Variants in CWC27 observed in about 807,000 individuals in gnomAD.
The protein encoded by CWC27 is spliceosome-associated protein CWC27 homolog.
A neutral mutation model predicts 63.6 loss-of-function variants in CWC27; 47 were observed. The ratio of observed to expected loss-of-function variants is 0.74; its 90% CI spans 0.58 to 0.94. The LOEUF (loss-of-function observed/expected upper bound fraction) is 0.94. CWC27 is among the 40% of genes least tolerant of loss of function. The pLI, the probability that CWC27 is intolerant of heterozygous loss-of-function variation, is 0.00. For missense variants in CWC27, 495 were observed against 554.3 expected, an observed-to-expected ratio of 0.89 and a Z score of 1.07; for synonymous variants, 175 against 179.8, an observed-to-expected ratio of 0.97 and a Z score of 0.22.
intron 11 of CWC27, among the ~76,000 whole-genome samples, chr5:64,924,632 C>T (rs1748071130): frequency 6.6e-6 from 1 of 152,164 alleles, no homozygotes; most frequent in African/African-American, 2.4e-5. Context: ...TTTGCTACCA[C>T]CAACTAGTTC....
At chr5:64,871,889 G>C (rs1166563534) in intron 10 of CWC27, among the ~76,000 whole-genome samples, 1 of 152,070 alleles carries the variant, frequency 6.6e-6, no homozygotes, top group African/African-American at 2.4e-5. Flanking sequence ...TTGCTCTTCT[G>C]TCTTGAAAAA....
chr5:64,814,669 T>A (rs1226529272), intron 10 of CWC27, among the ~76,000 whole-genome samples: 1 of 152,134 alleles, frequency 6.6e-6, no homozygotes, highest in Non-Finnish European at 1.5e-5. Context: ...CTACAGAGCC[T>A]AGAGAGGGGT....
At chr5:65,014,280 TCA>T (rs1171694372) in intron 13 of CWC27, among the ~76,000 whole-genome samples, 1 of 147,178 alleles carries the variant, frequency 6.8e-6, no homozygotes, top group Non-Finnish European at 1.5e-5. Flanking sequence ...ACCATAGAGA[TCA>T]GTTATATATA....
At chr5:64,929,958 A>T (rs1298552690) in intron 11 of CWC27, among the ~76,000 whole-genome samples, 1 of 151,802 alleles carries the variant, frequency 6.6e-6, no homozygotes, top group East Asian at 1.9e-4. Context: ...TAAACAAAAA[A>T]GGGAAACAAC....
intron 10 of CWC27, among the ~76,000 whole-genome samples, chr5:64,825,955 A>G (rs1488842478): frequency 6.6e-6 from 1 of 152,252 alleles, no homozygotes; most frequent in African/African-American, 2.4e-5. Flanking sequence ...TCGTCTGTGA[A>G]TAGTAGCTTC....
intron 11 of CWC27, among the ~76,000 whole-genome samples, 193 bp downstream of exon 11, chr5:64,885,739 T>TGTGTGTGTGTGTGTGTGTGTGTG (rs1427858737): frequency 4.1e-5 from 1 of 24,280 alleles, no homozygotes; most frequent in African/African-American, 9.6e-5. Context: ...GTGTGTGTGT[T>TGTGTGTGTGTGTGTGTGTGTGTG]TTTAATACTT....
chr5:64,950,281 T>G (rs1197600207), intron 11 of CWC27, among the ~76,000 whole-genome samples: 1 of 151,942 alleles, frequency 6.6e-6, no homozygotes, highest in African/African-American at 2.4e-5. Context: ...TAGTAATATA[T>G]GGTATCTGTC....
At chr5:64,975,835 C>T (rs1304616393) in intron 12 of CWC27, among the ~76,000 whole-genome samples, 1 of 152,122 alleles carries the variant, frequency 6.6e-6, no homozygotes, top group Non-Finnish European at 1.5e-5. Flanking sequence ...GAGGCCAAGG[C>T]GTGTGGAACA....
At chr5:64,957,610 G>A (rs1748827744) in intron 11 of CWC27, among the ~76,000 whole-genome samples, 1 of 152,132 alleles carries the variant, frequency 6.6e-6, no homozygotes. Context: ...TTTATATATT[G>A]CAGTTGTGTC....
At chr5:64,919,438 A>G (rs1271930714) in intron 11 of CWC27, among the ~76,000 whole-genome samples, 2 of 152,166 alleles carry the variant, frequency 1.3e-5, no homozygotes, top group East Asian at 1.9e-4. Flanking sequence ...GGCTTGGTGT[A>G]CACATGATCC....
chr5:64,933,799 A>G (rs1346013416), intron 11 of CWC27, among the ~76,000 whole-genome samples: 2 of 152,140 alleles, frequency 1.3e-5, no homozygotes, highest in Non-Finnish European at 2.9e-5. Context: ...CCACATGCAT[A>G]CATTTTTCTC....
rs748484202 is a variant in CWC27, at chr5:64,788,935, C to CT, written c.600-8dup. 7.1e-5 allele frequency: 100 copies of CT among 1,417,784 alleles called. No homozygotes were observed. The highest frequency in any genetic ancestry group is 2.7e-4 in the South Asian group (19 of 70,332). 87.8% of individuals were successfully genotyped at this position (1,417,784 alleles called of 1,614,324 possible). A position where few individuals can be genotyped will look rare whatever the true frequency, so the allele number is the denominator to read the frequency against. ...TTTCTCTTTCTTTTTTTTTTTCTTT[C>CT]TTTTTTTTGGACTAGAAATTTTAGT... On this transcript the variant is annotated splice_polypyrimidine_tract_variant and intron_variant, in intron 6 of 13. Coordinates refer to ENST00000381070, the MANE Select transcript of CWC27 (RefSeq NM_005869.4).
intron 10 of CWC27, among the ~76,000 whole-genome samples, chr5:64,812,072 C>G (rs1219177238): frequency 6.6e-6 from 1 of 151,972 alleles, no homozygotes; most frequent in Non-Finnish European, 1.5e-5. Context: ...TACTTTGTGT[C>G]TGGATTCTCT....
intron 11 of CWC27, among the ~76,000 whole-genome samples, chr5:64,927,257 A>T (rs1027137392): frequency 6.6e-6 from 1 of 152,236 alleles, no homozygotes; most frequent in Non-Finnish European, 1.5e-5. Flanking sequence ...CACCAATTTT[A>T]ACTTAGATAA....
chr5:64,950,830 C>T (rs1006148334), intron 11 of CWC27, among the ~76,000 whole-genome samples: 2 of 151,938 alleles, frequency 1.3e-5, no homozygotes, highest in Non-Finnish European at 2.9e-5. Context: ...CATTAATCTG[C>T]TTTCTCACAC....
chr5:64,984,392 T>C (rs528806554), intron 13 of CWC27, among the ~76,000 whole-genome samples: 28 of 152,322 alleles, frequency 1.8e-4, no homozygotes, highest in African/African-American at 6.7e-4. Context: ...TCAAGATCTG[T>C]CCCATGGAAA....
In CWC27 at chr5:64,783,916, C is replaced by A; in HGVS notation, c.333C>A (p.Ser111Arg). The change falls in exon 4 of 14, where the codon AGC (serine) becomes AGA (arginine). Residue 111 changes from serine to arginine, a missense_variant. This residue lies in a region of CWC27 where 463 missense variants were observed against 498.1 expected (regional missense o/e 0.93). Transcript: ENST00000381070. ...MANAGSHDNG[S>R]QFFFTLGRAD... ...ATGCTGGTTCTCATGATAATGGCAG[C>A]CAGTTTTTCTTCACACTGGGTCGAG... The A allele has an allele frequency of 6.2e-7, 1 of 1,607,818 alleles. No homozygotes were observed. The highest frequency in any genetic ancestry group is 1.7e-5 in the Admixed American group (1 of 59,180).
At chr5:65,017,015 T>G (rs1023275464) in intron 13 of CWC27, among the ~76,000 whole-genome samples, 1 of 152,170 alleles carries the variant, frequency 6.6e-6, no homozygotes, top group Non-Finnish European at 1.5e-5. Flanking sequence ...CTTAAGAGTT[T>G]TATTTGTATG....
chr5:64,924,035 A>G (rs560861327), intron 11 of CWC27, among the ~76,000 whole-genome samples: 10 of 152,096 alleles, frequency 6.6e-5, no homozygotes, highest in Admixed American at 5.9e-4. Flanking sequence ...TAACTCATCC[A>G]TTGCTCTAAC....
Sources: allele counts gnomAD v4.1 joint callset (sites outside exome capture counted in the v4.1 genomes callset), GRCh38; gene constraint gnomAD v4.1.1; regional missense constraint gnomAD v4.1.1; transcripts MANE v1.5; gene names NCBI Gene and HGNC (gene_info 2026-07-23, HGNC 2026-07-21).